RBM47: variants seen among roughly 807,000 people sequenced by gnomAD.
RBM47 encodes RNA binding motif protein 47.
Under a neutral mutation model 47.1 loss-of-function variants are expected in RBM47, and 21 were observed. The ratio of observed to expected loss-of-function variants is 0.45; its 90% CI spans 0.32 to 0.64. The LOEUF (loss-of-function observed/expected upper bound fraction) is 0.64, where lower values mean the gene tolerates loss of function less well. Among genes scored for constraint, RBM47 ranks in the 30% least tolerant of loss-of-function variants. The probability of loss-of-function intolerance (pLI) is 0.05; values close to 1 mark genes in which losing one functional copy is unlikely to be tolerated. For synonymous variants in RBM47, 375 were observed against 361.7 expected, an observed-to-expected ratio of 1.04 and a Z score of -0.42; for missense variants, 708 against 870.9, an observed-to-expected ratio of 0.81 and a Z score of 2.35.
rs138054409 is a variant in RBM47 at position 40,441,036 on chromosome 4, G to A, written c.-31-2112C>T. On this transcript the variant is annotated intron_variant, in intron 3 of 6. Transcript: ENST00000295971. Reference sequence around the variant, plus strand: ...TCAAGTGCTTGGAAGCTGGTTTGACGTCTCCAGTTATCATGAAATTTTTTT... The same window carrying A: ...TCAAGTGCTTGGAAGCTGGTTTGACATCTCCAGTTATCATGAAATTTTTTT... Among the ~76,000 whole-genome samples the A allele has an allele frequency of 6.3e-4, 95 of 151,964 alleles. No individual in the cohort carries two copies. In the Middle Eastern group the frequency reaches 0.017, roughly 27 times the overall value.
chr4:40,436,938 C>G lies in RBM47; in HGVS notation c.1124-291G>C, dbSNP rs878924104. ...ATAGACTACCCACCACCCCCTCCCC[C>G]CCGCCAAAAAAAAAACTGTGGCCAG... On this transcript the variant is annotated intron_variant, in intron 4 of 6. Coordinates refer to ENST00000295971, the MANE Select transcript of RBM47 (RefSeq NM_001098634.2). The G allele has an allele frequency of 2.2e-3, 1,077 of 494,604 alleles. 22 individuals are homozygous for G. The East Asian group carries it at 0.046, about 21-fold the overall frequency. 30.6% of individuals were successfully genotyped at this position (494,604 alleles called of 1,614,324 possible).
chr4:40,535,113 A>C (rs1234453594), intron 2 of RBM47, among the ~76,000 whole-genome samples: 1 of 152,152 alleles, frequency 6.6e-6, no homozygotes, highest in Non-Finnish European at 1.5e-5. Flanking sequence ...AAGAGATCAA[A>C]TGAGGCTATA....
intron 6 of RBM47, among the ~76,000 whole-genome samples, chr4:40,430,611 G>A (rs1715828314): frequency 6.6e-6 from 1 of 152,192 alleles, no homozygotes; most frequent in East Asian, 1.9e-4. Context: ...TGCCCTTTCT[G>A]AATAATGCAG....
chr4:40,466,729 T>C (rs184156943), intron 2 of RBM47, 30 bp from the exon 3 acceptor site: 59 of 135,148 alleles, frequency 4.4e-4, no homozygotes, highest in African/African-American at 1.4e-3. Flanking sequence ...TGGTTAGAAA[T>C]ATTTTCTATT....
chr4:40,563,923 A>G (rs987377493), intron 1 of RBM47, among the ~76,000 whole-genome samples: 3 of 152,216 alleles, frequency 2.0e-5, no homozygotes, highest in Admixed American at 6.5e-5. Flanking sequence ...GAAAGCTATG[A>G]AAAATAGCCC....
intron 2 of RBM47, among the ~76,000 whole-genome samples, chr4:40,477,671 G>A (rs148991982): frequency 2.0e-5 from 3 of 152,232 alleles, no homozygotes; most frequent in African/African-American, 7.2e-5. Context: ...AAAAACATAG[G>A]AAATAAACCA....
intron 6 of RBM47, among the ~76,000 whole-genome samples, chr4:40,431,455 G>A (rs1470372642): frequency 1.3e-5 from 2 of 152,088 alleles, no homozygotes; most frequent in African/African-American, 4.8e-5. Context: ...TCAGGAGATT[G>A]AGACTATCCT....
In RBM47 at chr4:40,438,896, T is replaced by G; in HGVS notation, c.-3A>C. On this transcript the variant is annotated 5_prime_UTR_variant, in exon 4 of 7. Coordinates refer to ENST00000295971, the MANE Select transcript of RBM47 (RefSeq NM_001098634.2). The stretch of plus-strand genomic sequence containing the variant: ...GCGGTGGAATCCTCTGCGGTCATAA[T>G]GTCAAAGGCATCCACAGCTGGCGGA... The G allele has an allele frequency of 6.5e-7, 1 of 1,535,070 alleles. No homozygotes were observed. Among genetic ancestry groups the G allele is most frequent in the Non-Finnish European group, 8.7e-7 (1 of 1,143,974 alleles).
chr4:40,598,227 C>A (rs74580393), intron 1 of RBM47, among the ~76,000 whole-genome samples: 1 of 151,944 alleles, frequency 6.6e-6, no homozygotes, highest in Non-Finnish European at 1.5e-5. Context: ...TACCATTGAC[C>A]CCAATCACAG....
intron 1 of RBM47, among the ~76,000 whole-genome samples, chr4:40,558,809 C>G (rs57166149): frequency 6.9e-6 from 1 of 144,278 alleles, no homozygotes; most frequent in South Asian, 2.2e-4. Context: ...GCCTGGTCGA[C>G]AGAGTCAAAC....
intron 1 of RBM47, among the ~76,000 whole-genome samples, chr4:40,552,639 T>G (rs1259961100): frequency 1.3e-5 from 2 of 152,184 alleles, no homozygotes; most frequent in Non-Finnish European, 2.9e-5. Context: ...AACCCTCCAA[T>G]GGCATGTCCT....
At chr4:40,626,852 C>T (rs767510645) in intron 1 of RBM47, among the ~76,000 whole-genome samples, 3 of 152,160 alleles carry the variant, frequency 2.0e-5, no homozygotes, top group Non-Finnish European at 4.4e-5. Flanking sequence ...CCATTTCCCC[C>T]GAATCTCTCC....
chr4:40,595,886 CAG>C (rs1257753212), intron 1 of RBM47, among the ~76,000 whole-genome samples: 2 of 147,864 alleles, frequency 1.4e-5, no homozygotes, highest in Non-Finnish European at 3.0e-5. Context: ...GGCTGGGCAA[CAG>C]AGTGAAACTT....
intron 2 of RBM47, among the ~76,000 whole-genome samples, chr4:40,498,789 C>T (rs2154249492): frequency 6.6e-6 from 1 of 151,976 alleles, no homozygotes; most frequent in African/African-American, 2.4e-5. Flanking sequence ...CAAGTTTTCA[C>T]TTCTAACACA....
At chr4:40,573,505 G>A (rs1286777205) in intron 1 of RBM47, among the ~76,000 whole-genome samples, 3 of 151,986 alleles carry the variant, frequency 2.0e-5, no homozygotes, top group East Asian at 3.9e-4. Flanking sequence ...CACTTTGAGA[G>A]GCTGAGGCTG....
intron 1 of RBM47, among the ~76,000 whole-genome samples, chr4:40,586,202 G>A (rs1392708847): frequency 6.6e-6 from 1 of 152,118 alleles, no homozygotes; most frequent in Non-Finnish European, 1.5e-5. Context: ...GAGCATAACT[G>A]CATTGGATTC....
chr4:40,581,434 TAATAAATA>T lies in RBM47; in HGVS notation c.-239-36936_-239-36929del, dbSNP rs375591976. Among the ~76,000 whole-genome samples the T allele has an allele frequency of 3.7e-4, 52 of 139,042 alleles. 1 individual carries two copies. Among genetic ancestry groups the T allele is most frequent in the African/African-American group, 5.5e-4 (20 of 36,434 alleles). The allele number at this position is 139,042 out of a possible 152,430, so 91.2% of individuals were successfully genotyped here. A position where few individuals can be genotyped will look rare whatever the true frequency, so the allele number is the denominator to read the frequency against. ...AGAACTTGTCTCAAAAAAAAAGTAATAATAAATAAATAAATAAATAAATAAATAAATAA... is the reference window on the plus strand; with the variant it reads ...AGAACTTGTCTCAAAAAAAAAGTAATAATAAATAAATAAATAAATAAATAA... On this transcript the variant is annotated intron_variant, in intron 1 of 6. Transcript: ENST00000295971.
At chr4:40,546,274 C>T (rs1218424904) in intron 1 of RBM47, among the ~76,000 whole-genome samples, 2 of 152,090 alleles carry the variant, frequency 1.3e-5, no homozygotes, top group Non-Finnish European at 1.5e-5. Flanking sequence ...CCTTAGCCTC[C>T]CAAGTAGCTG....
At chr4:40,597,367 G>A (rs1439643171) in intron 1 of RBM47, among the ~76,000 whole-genome samples, 1 of 152,188 alleles carries the variant, frequency 6.6e-6, no homozygotes, top group Non-Finnish European at 1.5e-5. Context: ...AGGCTGAGGG[G>A]AGCGGATCAC....
Sources: allele counts gnomAD v4.1 joint callset (sites outside exome capture counted in the v4.1 genomes callset), GRCh38; gene constraint gnomAD v4.1.1; transcripts MANE v1.5; gene names NCBI Gene and HGNC (gene_info 2026-07-23, HGNC 2026-07-21).